JAZF1: variants seen among roughly 807,000 people sequenced by gnomAD.
JAZF1 encodes JAZF zinc finger 1.
Under a neutral mutation model 26.4 loss-of-function variants are expected in JAZF1, and 8 were observed. The observed-to-expected ratio is 0.30, with a 90% CI of 0.18 to 0.55. The LOEUF (loss-of-function observed/expected upper bound fraction) is 0.55, where lower values mean the gene tolerates loss of function less well. Ranked by LOEUF, JAZF1 falls within the 20% of genes least tolerant of loss-of-function variation. The probability of loss-of-function intolerance (pLI) is 0.94; values close to 1 mark genes in which losing one functional copy is unlikely to be tolerated. For missense variants in JAZF1, 199 were observed against 322.0 expected, an observed-to-expected ratio of 0.62 and a Z score of 2.92; for synonymous variants, 126 against 122.3, an observed-to-expected ratio of 1.03 and a Z score of -0.20.
chr7:28,022,418 A>G (rs921828878), intron 1 of JAZF1, among the ~76,000 whole-genome samples: 1 of 152,350 alleles, frequency 6.6e-6, no homozygotes, highest in East Asian at 1.9e-4. Flanking sequence ...GCAATGAGAC[A>G]GTTTAGGACA....
intron 3 of JAZF1, among the ~76,000 whole-genome samples, chr7:27,856,739 G>C (rs979205069): frequency 7.9e-5 from 12 of 152,152 alleles, no homozygotes; most frequent in African/African-American, 2.9e-4. Flanking sequence ...CAAACCTTCA[G>C]CTAGATACAG....
intron 1 of JAZF1, among the ~76,000 whole-genome samples, chr7:28,159,567 C>A (rs1032498157): frequency 1.3e-5 from 2 of 151,896 alleles, no homozygotes; most frequent in Admixed American, 1.3e-4. Context: ...GAATGGAGAG[C>A]CTTGTCAGCA....
chr7:28,090,662 T>C (rs2127921407), intron 1 of JAZF1, among the ~76,000 whole-genome samples: 1 of 152,334 alleles, frequency 6.6e-6, no homozygotes, highest in Non-Finnish European at 1.5e-5. Flanking sequence ...GCGGCTTCAC[T>C]GCCTAATCTA....
chr7:27,907,497 C>A (rs1012555272), intron 2 of JAZF1, among the ~76,000 whole-genome samples: 6 of 152,152 alleles, frequency 3.9e-5, no homozygotes, highest in Non-Finnish European at 5.9e-5. Flanking sequence ...GTATCGAAGC[C>A]TGGGATTGGA....
chr7:27,845,299 C>A (rs1264023779), intron 3 of JAZF1, among the ~76,000 whole-genome samples: 1 of 152,212 alleles, frequency 6.6e-6, no homozygotes, highest in Non-Finnish European at 1.5e-5. Flanking sequence ...ACCCTCTTAG[C>A]AAGCTCTGCT....
At chr7:28,026,955 C>G (rs757439433) in intron 1 of JAZF1, among the ~76,000 whole-genome samples, 2 of 152,216 alleles carry the variant, frequency 1.3e-5, no homozygotes, top group Admixed American at 1.3e-4. Flanking sequence ...CACACCTTCC[C>G]TCCTATTCGC....
At chr7:27,865,449 G>A (rs1783456342) in intron 3 of JAZF1, among the ~76,000 whole-genome samples, 2 of 152,160 alleles carry the variant, frequency 1.3e-5, no homozygotes, top group South Asian at 4.1e-4. Flanking sequence ...CACAGAAAAT[G>A]TAGTTCTTAC....
At chr7:27,893,461 C>T (rs371452577) in intron 3 of JAZF1, among the ~76,000 whole-genome samples, 2 of 152,206 alleles carry the variant, frequency 1.3e-5, no homozygotes, top group East Asian at 1.9e-4. Context: ...TCTCATCTTA[C>T]ACTCGGGCCA....
Position 27,950,896 on chromosome 7 carries a change from G to A in JAZF1, c.188+41013C>T, listed in dbSNP as rs7797193. Among the ~76,000 whole-genome samples the A allele has an allele frequency of 9.3e-3, 1,407 of 151,898 alleles. 26 individuals carry two copies. The highest frequency in any genetic ancestry group is 0.032 in the African/African-American group (1,344 of 41,408). On this transcript the variant is annotated intron_variant, in intron 2 of 4. Transcript: ENST00000283928. Reference sequence around the variant, plus strand: ...TCTGTTAGAAATGAACAGATGGCTCGAACAACCTGAATTTCAATGACAAAA... The same window carrying A: ...TCTGTTAGAAATGAACAGATGGCTCAAACAACCTGAATTTCAATGACAAAA...
At chr7:27,950,489 A>ACTATCAC (rs1784991258) in intron 2 of JAZF1, among the ~76,000 whole-genome samples, 1 of 152,188 alleles carries the variant, frequency 6.6e-6, no homozygotes. Flanking sequence ...ATGAAAAGCC[A>ACTATCAC]CTATCACACC....
At chr7:28,146,316 T>C (rs1024948246) in intron 1 of JAZF1, among the ~76,000 whole-genome samples, 5 of 152,230 alleles carry the variant, frequency 3.3e-5, no homozygotes, top group Non-Finnish European at 7.3e-5. Context: ...CATTGATCGA[T>C]TGATCAGTAA....
At chr7:27,903,753 C>T (rs1784204928) in intron 2 of JAZF1, among the ~76,000 whole-genome samples, 1 of 152,342 alleles carries the variant, frequency 6.6e-6, no homozygotes, top group East Asian at 1.9e-4. Context: ...GACTGACATC[C>T]TTCCATCCAG....
At chr7:27,877,589 C>G (rs559484510) in intron 3 of JAZF1, among the ~76,000 whole-genome samples, 1 of 152,234 alleles carries the variant, frequency 6.6e-6, no homozygotes, top group East Asian at 1.9e-4. Flanking sequence ...GTCTAGAAAG[C>G]CTTGGGTTCT....
chr7:28,076,766 C>A (rs1784058048), intron 1 of JAZF1, among the ~76,000 whole-genome samples: 1 of 148,166 alleles, frequency 6.7e-6, no homozygotes, highest in Non-Finnish European at 1.5e-5. Flanking sequence ...TAATTCCTTA[C>A]AGATGTTTCC....
chr7:27,918,727 G>A (rs1240733028), intron 2 of JAZF1, among the ~76,000 whole-genome samples: 1 of 152,070 alleles, frequency 6.6e-6, no homozygotes, highest in Non-Finnish European at 1.5e-5. Context: ...TACCACCTGT[G>A]CAAATTTCCA....
intron 1 of JAZF1, among the ~76,000 whole-genome samples, chr7:28,113,401 G>A (rs1018536708): frequency 2.0e-5 from 3 of 152,128 alleles, no homozygotes; most frequent in African/African-American, 7.2e-5. Flanking sequence ...AGGCTCTGAA[G>A]AACAGTTACT....
chr7:28,091,601 C>CAT (rs902221956), intron 1 of JAZF1, among the ~76,000 whole-genome samples: 5 of 146,426 alleles, frequency 3.4e-5, no homozygotes, highest in Non-Finnish European at 7.4e-5. Context: ...GTTAAATATA[C>CAT]ATATATATTA....
intron 1 of JAZF1, among the ~76,000 whole-genome samples, chr7:28,000,680 G>A (rs1583501839): frequency 1.4e-5 from 2 of 142,494 alleles, no homozygotes; most frequent in South Asian, 4.4e-4. Context: ...ATGGAGTAGT[G>A]GGATCTCAGC....
At chr7:27,849,144 GGA>G (rs1413802448) in intron 3 of JAZF1, among the ~76,000 whole-genome samples, 4 of 152,222 alleles carry the variant, frequency 2.6e-5, no homozygotes, top group Non-Finnish European at 5.9e-5. Context: ...TGTGTGACGG[GGA>G]GAACAGAGAC....
Sources: gnomAD v4.1 joint callset for allele counts (sites outside exome capture counted in the v4.1 genomes callset) on GRCh38, gnomAD v4.1.1 for gene constraint, MANE v1.5 for transcripts, NCBI Gene and HGNC (gene_info 2026-07-23, HGNC 2026-07-21) for gene names.